Variants in ENOX1 observed in about 807,000 individuals in gnomAD.
The protein encoded by ENOX1 is ecto-NOX disulfide-thiol exchanger 1, also known as candidate growth-related and time keeping constitutive hydroquinone (NADH) oxidase.
Under a neutral mutation model 82.5 loss-of-function variants are expected in ENOX1, and 42 were observed. The observed-to-expected ratio is 0.51, with a 90% CI of 0.40 to 0.66. The LOEUF (loss-of-function observed/expected upper bound fraction) is 0.66, where lower values mean the gene tolerates loss of function less well. Ranked by LOEUF, ENOX1 falls within the 30% of genes least tolerant of loss-of-function variation. ENOX1 has a pLI of 0.00. For missense variants in ENOX1, 608 were observed against 811.6 expected, an observed-to-expected ratio of 0.75 and a Z score of 3.05; for synonymous variants, 271 against 282.2, an observed-to-expected ratio of 0.96 and a Z score of 0.40.
intron 1 of ENOX1, among the ~76,000 whole-genome samples, chr13:43,750,502 ACT>A (rs1328699850): frequency 6.6e-6 from 1 of 152,120 alleles, no homozygotes; most frequent in Non-Finnish European, 1.5e-5. Flanking sequence ...GCTCAACTAC[ACT>A]GAGATACCTT....
At chr13:43,293,083 A>T (rs1006762747) in intron 12 of ENOX1, among the ~76,000 whole-genome samples, 3 of 151,822 alleles carry the variant, frequency 2.0e-5, no homozygotes, top group African/African-American at 7.3e-5. Context: ...CACCATCCTC[A>T]CCATGGCTGC....
At chr13:43,417,316 T>C (rs2153604107) in intron 3 of ENOX1, among the ~76,000 whole-genome samples, 1 of 152,112 alleles carries the variant, frequency 6.6e-6, no homozygotes, top group African/African-American at 2.4e-5. Flanking sequence ...GGCTACCATG[T>C]GCCTGGGATG....
At chr13:43,369,686 C>G (rs1291416379) in intron 5 of ENOX1, among the ~76,000 whole-genome samples, 2 of 152,218 alleles carry the variant, frequency 1.3e-5, no homozygotes, top group Non-Finnish European at 2.9e-5. Flanking sequence ...CTTCTTAGTT[C>G]TCCTCCTGTC....
At chr13:43,666,086 A>G (rs561580827) in intron 2 of ENOX1, among the ~76,000 whole-genome samples, 1 of 152,100 alleles carries the variant, frequency 6.6e-6, no homozygotes, top group East Asian at 1.9e-4. Context: ...CTAAAAATGA[A>G]CACACCTTAA....
At position 43,578,957 on chromosome 13, in the gene ENOX1, A is replaced by C. The variant is rs183948154; in HGVS notation, c.-219+88522T>G. Among the ~76,000 whole-genome samples the C allele has an allele frequency of 6.6e-5, 10 of 152,260 alleles. No homozygotes were observed. In the East Asian group the frequency reaches 1.7e-3, roughly 26 times the overall value. The stretch of plus-strand genomic sequence containing the variant: ...TAGGTATTATAGAGTTAATTAAGCA[A>C]GTGGGACCAGAAATCATATTCCTAG... On this transcript the variant is annotated intron_variant, in intron 2 of 16. Transcript: ENST00000690772.
At chr13:43,604,811 TA>T (rs1236729618) in intron 2 of ENOX1, among the ~76,000 whole-genome samples, 1 of 152,088 alleles carries the variant, frequency 6.6e-6, no homozygotes, top group African/African-American at 2.4e-5. Context: ...GAATCCAAAT[TA>T]GGGGGGAATA....
chr13:43,767,963 G>T (rs904820529), intron 1 of ENOX1, among the ~76,000 whole-genome samples: 1 of 152,204 alleles, frequency 6.6e-6, no homozygotes, highest in African/African-American at 2.4e-5. Flanking sequence ...AGTCGGGGGG[G>T]AGCGGAGGGG....
chr13:43,541,171 C>CTG (rs1566485960), intron 2 of ENOX1, among the ~76,000 whole-genome samples: 40 of 38,742 alleles, frequency 1.0e-3, no homozygotes, highest in African/African-American at 2.5e-3. Flanking sequence ...CTTCTTCCCT[C>CTG]TGTTTTTTTT....
chr13:43,434,903 T>G (rs2055898422), intron 3 of ENOX1, among the ~76,000 whole-genome samples: 1 of 151,204 alleles, frequency 6.6e-6, no homozygotes, highest in Non-Finnish European at 1.5e-5. Context: ...GTTCTACGTG[T>G]CCTTTTAACG....
intron 12 of ENOX1, among the ~76,000 whole-genome samples, chr13:43,285,730 G>C (rs2045655604): frequency 6.8e-6 from 1 of 146,672 alleles, no homozygotes; most frequent in South Asian, 2.1e-4. Context: ...GAATAGCTTG[G>C]ACCTGGTAGG....
At chr13:43,409,762 A>C (rs147105485) in intron 5 of ENOX1, among the ~76,000 whole-genome samples, 29 of 152,230 alleles carry the variant, frequency 1.9e-4, no homozygotes, top group Non-Finnish European at 3.2e-4. Flanking sequence ...TTAAAAATGC[A>C]TAATAGAAAA....
At chr13:43,473,641 C>T (rs974603176) in intron 3 of ENOX1, among the ~76,000 whole-genome samples, 2 of 152,194 alleles carry the variant, frequency 1.3e-5, no homozygotes, top group Admixed American at 1.3e-4. Flanking sequence ...CATCTCTGGG[C>T]TATCAATAGA....
At chr13:43,614,963 T>C (rs2082345538) in intron 2 of ENOX1, among the ~76,000 whole-genome samples, 1 of 152,310 alleles carries the variant, frequency 6.6e-6, no homozygotes, top group East Asian at 1.9e-4. Context: ...GTGATCTGAA[T>C]GTACATTAAA....
chr13:43,340,400 C>T (rs1269002292), intron 9 of ENOX1, among the ~76,000 whole-genome samples: 2 of 152,170 alleles, frequency 1.3e-5, no homozygotes, highest in South Asian at 2.1e-4. Context: ...ATGTGTACAC[C>T]GTGGCCAGCA....
rs543573198 is a variant in ENOX1, at chr13:43,435,331, C to A, written c.-74-22343G>T. 2.0e-5 allele frequency among the ~76,000 whole-genome samples: 3 copies of A among 152,288 alleles called. No individual in the cohort carries two copies. The South Asian group carries it at 6.2e-4, about 32-fold the overall frequency. ...GTTGGTCAGAACATGACCATCTGGA[C>A]TCATTCTCAGCAGTGTGATTGTACA... On this transcript the variant is annotated intron_variant, in intron 3 of 16. Coordinates refer to ENST00000690772, the MANE Select transcript of ENOX1 (RefSeq NM_001347969.2).
At position 43,269,725 on chromosome 13, in the gene ENOX1, G is replaced by A. The variant is rs112057785; in HGVS notation, c.1447-148C>T. On this transcript the variant is annotated intron_variant, in intron 12 of 16. Transcript: ENST00000690772. Reference sequence around the variant, plus strand: ...CCTCAGTTGACCTTGTGTGTTTTCCGCACTAAGTATCAAGGGCATTGCAGT... The same window carrying A: ...CCTCAGTTGACCTTGTGTGTTTTCCACACTAAGTATCAAGGGCATTGCAGT... 1.3e-4 allele frequency: 85 copies of A among 643,592 alleles called. No individual in the cohort carries two copies. The East Asian group carries it at 1.5e-3, about 11-fold the overall frequency. 39.9% of individuals were successfully genotyped at this position (643,592 alleles called of 1,614,324 possible).
At chr13:43,626,505 TC>T (rs1594163006) in intron 2 of ENOX1, among the ~76,000 whole-genome samples, 1 of 151,858 alleles carries the variant, frequency 6.6e-6, no homozygotes, top group African/African-American at 2.4e-5. Context: ...ATGTTGTGTT[TC>T]CATTTTCATT....
chr13:43,552,357 A>G (rs1233838014), intron 2 of ENOX1, among the ~76,000 whole-genome samples: 2 of 151,724 alleles, frequency 1.3e-5, no homozygotes, highest in Admixed American at 6.6e-5. Context: ...AAAAAAAAAA[A>G]AAAAAAGAAA....
chr13:43,352,895 T>A (rs1426693159), intron 8 of ENOX1, among the ~76,000 whole-genome samples: 1 of 152,118 alleles, frequency 6.6e-6, no homozygotes, highest in East Asian at 1.9e-4. Context: ...TTCCCACATA[T>A]AACAGGAGGA....
Sources: allele counts gnomAD v4.1 joint callset (sites outside exome capture counted in the v4.1 genomes callset), GRCh38; gene constraint gnomAD v4.1.1; transcripts MANE v1.5; gene names NCBI Gene and HGNC (gene_info 2026-07-23, HGNC 2026-07-21).